RELN: variants seen among roughly 807,000 people sequenced by gnomAD.
RELN encodes the protein reelin.
Under a neutral mutation model 427.6 loss-of-function variants are expected in RELN, and 108 were observed. The ratio of observed to expected loss-of-function variants is 0.25; its 90% confidence interval spans 0.22 to 0.30. RELN has a LOEUF of 0.30. Ranked by LOEUF, RELN falls within the 10% of genes least tolerant of loss-of-function variation. The pLI, the probability that RELN is intolerant of heterozygous loss-of-function variation, is 1.00. For missense variants in RELN, 3,715 were observed against 4,302.8 expected, an observed-to-expected ratio of 0.86 and a Z score of 3.82; for synonymous variants, 1,524 against 1,513.4, an observed-to-expected ratio of 1.01 and a Z score of -0.16.
In RELN at chr7:103,640,444, A is replaced by G; in HGVS notation, c.2069+99T>C. On this transcript the variant is annotated intron_variant, in intron 17 of 64. Coordinates refer to ENST00000428762, the MANE Select transcript of RELN (RefSeq NM_005045.4). This position sits in a 1 kb window ranked among gnomAD's most constrained non-coding sequence, Gnocchi z 4.1. ...ATATCCAACTTTTTGTCTTAAAAAG[A>G]TCCCCGATCCTAAAAAAGGTTATTA... is the stretch of plus-strand genomic sequence containing the variant. The G allele has an allele frequency of 8.3e-7, 1 of 1,198,288 alleles. No individual in the cohort carries two copies. The highest frequency in any genetic ancestry group is 1.5e-5 in the African/African-American group (1 of 66,910). 74.2% of individuals were successfully genotyped at this position (1,198,288 alleles called of 1,614,324 possible).
chr7:103,755,947 T>A (rs1584467776), intron 4 of RELN, among the ~76,000 whole-genome samples: 1 of 152,290 alleles, frequency 6.6e-6, no homozygotes, highest in East Asian at 1.9e-4. Flanking sequence ...AGTATGGAAC[T>A]TTTCAAATTA....
At chr7:103,506,189 C>T (rs1275242875) in intron 51 of RELN, among the ~76,000 whole-genome samples, 3 of 152,148 alleles carry the variant, frequency 2.0e-5, no homozygotes, top group African/African-American at 7.2e-5. Flanking sequence ...GAGAACTTCC[C>T]CAACCTAGCA....
Position 103,953,519 on chromosome 7 carries a change from TAC to T in RELN, c.226+35610_226+35611del, listed in dbSNP as rs148250321. ...TTTTTAAGGCACTGGTAGGGGGACATACACACACACAGAATTTTATATAAAGA... is the reference window on the plus strand; with the variant it reads ...TTTTTAAGGCACTGGTAGGGGGACATACACACACAGAATTTTATATAAAGA... On this transcript the variant is annotated intron_variant, in intron 1 of 64. Coordinates refer to ENST00000428762, the MANE Select transcript of RELN (RefSeq NM_005045.4). This position sits in a 1 kb window ranked among gnomAD's most constrained non-coding sequence, Gnocchi z 4.3. Among the ~76,000 whole-genome samples the T allele has an allele frequency of 2.0e-5, 3 of 152,260 alleles. No individual in the cohort carries two copies. The highest frequency in any genetic ancestry group is 2.9e-5 in the Non-Finnish European group (2 of 68,018).
At chr7:103,559,583 G>A (rs1199321297) in intron 36 of RELN, among the ~76,000 whole-genome samples, 2 of 147,116 alleles carry the variant, frequency 1.4e-5, no homozygotes, top group African/African-American at 2.5e-5. Flanking sequence ...TTTTTTTTTT[G>A]TTTGTTTTAA....
At chr7:103,636,202 T>C in intron 18 of RELN, 33 bp downstream of exon 18, 2 of 1,394,512 alleles carry the variant, frequency 1.4e-6, no homozygotes, top group Non-Finnish European at 1.0e-6. Flanking sequence ...TAGTATCTGG[T>C]TTTTGTATGT....
At chr7:103,687,825 T>C (rs768593183) in intron 10 of RELN, among the ~76,000 whole-genome samples, 8 of 152,186 alleles carry the variant, frequency 5.3e-5, no homozygotes, top group Non-Finnish European at 1.0e-4. Context: ...GTTTAAATGA[T>C]TATTTTCTGT....
intron 2 of RELN, among the ~76,000 whole-genome samples, chr7:103,905,072 C>T (rs573524550): frequency 5.4e-5 from 8 of 148,020 alleles, no homozygotes; most frequent in Non-Finnish European, 7.4e-5. Flanking sequence ...CATCTGCCTC[C>T]GGGGTTCAAG....
chr7:103,729,438 T>C (rs1409872954), intron 6 of RELN, among the ~76,000 whole-genome samples: 1 of 152,170 alleles, frequency 6.6e-6, no homozygotes, highest in Non-Finnish European at 1.5e-5. Flanking sequence ...GTTTACCACA[T>C]TGATTAAATG....
chr7:103,964,067 G>A (rs1216822268), intron 1 of RELN, among the ~76,000 whole-genome samples: 2 of 152,166 alleles, frequency 1.3e-5, no homozygotes, highest in Non-Finnish European at 2.9e-5. Context: ...GCTAAGGCAG[G>A]AGGATCACTT....
At chr7:103,816,566 C>CACACACACACACA (rs1304995965) in intron 3 of RELN, among the ~76,000 whole-genome samples, 3 of 150,724 alleles carry the variant, frequency 2.0e-5, no homozygotes, top group Non-Finnish European at 4.4e-5. Context: ...CACACACACA[C>CACACACACACACA]AACTAAGGCC....
chr7:103,552,213 T>A (rs148162549), intron 40 of RELN, among the ~76,000 whole-genome samples: 8 of 152,282 alleles, frequency 5.3e-5, no homozygotes, highest in African/African-American at 9.6e-5. Flanking sequence ...TGCTTTCAAG[T>A]GCATTAAAAT....
intron 10 of RELN, 24 bp downstream of exon 10, chr7:103,697,829 C>T (rs1477534457): frequency 2.5e-6 from 4 of 1,613,020 alleles, no homozygotes; most frequent in Non-Finnish European, 3.4e-6. Flanking sequence ...TTAAAACAAC[C>T]CAAAAACTAA....
intron 60 of RELN, among the ~76,000 whole-genome samples, 173 bp from the exon 61 acceptor site, chr7:103,486,589 G>A (rs1386783559): frequency 2.0e-5 from 3 of 149,998 alleles, no homozygotes; most frequent in Non-Finnish European, 4.4e-5. Context: ...ATCAAAAAGT[G>A]GGTGAGGTTT....
At chr7:103,959,419 T>C (rs1445692485) in intron 1 of RELN, among the ~76,000 whole-genome samples, 1 of 152,208 alleles carries the variant, frequency 6.6e-6, no homozygotes. Context: ...TTTCAACACC[T>C]GCCTACCAGA....
intron 10 of RELN, among the ~76,000 whole-genome samples, chr7:103,695,413 C>T (rs549357331): frequency 6.6e-6 from 1 of 152,046 alleles, no homozygotes; most frequent in South Asian, 2.1e-4. Flanking sequence ...CCTTAATAGA[C>T]ATAGGTCACT....
intron 64 of RELN, among the ~76,000 whole-genome samples, chr7:103,473,675 G>A (rs939354665): frequency 6.6e-6 from 1 of 152,168 alleles, no homozygotes; most frequent in Non-Finnish European, 1.5e-5. Flanking sequence ...AAATACTGAA[G>A]ATGGATTTCA....
At position 103,773,162 on chromosome 7, in the gene RELN, T is replaced by TTCTTTC. The variant is rs1391560154; in HGVS notation, c.544+3394_544+3395insGAAAGA. 1.9e-3 allele frequency among the ~76,000 whole-genome samples: 206 copies of TTCTTTC among 106,030 alleles called. 5 individuals are homozygous for TTCTTTC. The highest frequency in any genetic ancestry group is 6.7e-3 in the African/African-American group (199 of 29,686). The allele number at this position is 106,030 out of a possible 152,430, so 69.6% of individuals were successfully genotyped here. On this transcript the variant is annotated intron_variant, in intron 4 of 64. Transcript: ENST00000428762. ...TTTCTTTCTTTCTTTCTTTCTTTCT[T>TTCTTTC]TCTTTTTCTTTCTTTCCTTCTTTCT... is the stretch of plus-strand genomic sequence containing the variant.
intron 8 of RELN, among the ~76,000 whole-genome samples, chr7:103,720,135 A>G (rs552431689): frequency 4.6e-5 from 7 of 151,654 alleles, no homozygotes; most frequent in Non-Finnish European, 7.4e-5. Context: ...ATGTATGTAT[A>G]CATATATAAT....
intron 3 of RELN, among the ~76,000 whole-genome samples, chr7:103,793,929 G>A (rs1488823233): frequency 6.6e-6 from 1 of 151,964 alleles, no homozygotes; most frequent in East Asian, 1.9e-4. Context: ...CATACGCCCG[G>A]CTAATTTTTG....
Sources: gnomAD v4.1 joint callset for allele counts (sites outside exome capture counted in the v4.1 genomes callset) on GRCh38, gnomAD v4.1.1 for gene constraint, Gnocchi (gnomAD v3.1) non-coding constraint, MANE v1.5 for transcripts, NCBI Gene and HGNC (gene_info 2026-07-23, HGNC 2026-07-21) for gene names.